COPB2: variants seen among roughly 807,000 people sequenced by gnomAD.
COPB2 encodes the protein coatomer subunit beta'.
COPB2 carries 16 observed loss-of-function variants against 120.8 expected under a neutral mutation model. The observed-to-expected ratio is 0.13, with a 90% CI of 0.09 to 0.20. The LOEUF (loss-of-function observed/expected upper bound fraction) is 0.20. Among genes scored for constraint, COPB2 ranks in the 10% least tolerant of loss-of-function variants. COPB2 has a pLI of 1.00. For missense variants in COPB2, 794 were observed against 1,076.5 expected (o/e 0.74, Z 3.67); for synonymous variants, 332 against 366.3 (o/e 0.91, Z 1.07).
chr3:139,372,136 A>T (rs993213821), intron 9 of COPB2, among the ~76,000 whole-genome samples: 10 of 152,238 alleles, frequency 6.6e-5, no homozygotes, highest in Middle Eastern at 3.2e-3. Flanking sequence ...GGAAATGCAA[A>T]GGAGGAGGAT....
chr3:139,382,718 T>C (rs1380918710), intron 2 of COPB2: 1 of 157,526 alleles, frequency 6.3e-6, no homozygotes, highest in East Asian at 1.9e-4. Context: ...ATATGCTTTG[T>C]ACTCTTAAAT....
intron 15 of COPB2, among the ~76,000 whole-genome samples, chr3:139,364,744 C>G (rs910452614): frequency 2.0e-5 from 3 of 152,312 alleles, no homozygotes; most frequent in African/African-American, 7.2e-5. Context: ...ATGGGCCAAC[C>G]ACACCAGATA....
At chr3:139,381,549 A>T (rs1941812099) in intron 2 of COPB2, 1 of 152,222 alleles carries the variant, frequency 6.6e-6, no homozygotes, top group Non-Finnish European at 1.5e-5. Context: ...CCTTGTCCTC[A>T]CAGAACCTCC....
chr3:139,373,616 A>T, intron 8 of COPB2, 50 bp downstream of exon 8: 1 of 1,610,052 alleles, frequency 6.2e-7, no homozygotes. Flanking sequence ...TAAAATACAA[A>T]GAAAATGGTT....
chr3:139,389,628 G>A lies in COPB2; in HGVS notation c.-78C>T, dbSNP rs972932793. 1.7e-5 allele frequency: 24 copies of A among 1,403,788 alleles called. No individual in the cohort carries two copies. In the African/African-American group the frequency reaches 3.2e-4, roughly 19 times the overall value. 87.0% of individuals were successfully genotyped at this position (1,403,788 alleles called of 1,614,324 possible). A position where few individuals can be genotyped will look rare whatever the true frequency, so the allele number is the denominator to read the frequency against. On this transcript the variant is annotated 5_prime_UTR_variant, in exon 1 of 22. Transcript: ENST00000333188. Reference sequence around the variant, plus strand: ...CTTGAGATAAACCCACCGATCCACTGACCGTCAGACTGACTGACGTGGAAC... The same window carrying A: ...CTTGAGATAAACCCACCGATCCACTAACCGTCAGACTGACTGACGTGGAAC...
chr3:139,387,357 G>C (rs1217835003), intron 1 of COPB2, among the ~76,000 whole-genome samples: 1 of 152,198 alleles, frequency 6.6e-6, no homozygotes, highest in Non-Finnish European at 1.5e-5. Context: ...TTTTGAATAA[G>C]ACAATGTACT....
At chr3:139,362,556 CAAAA>C in intron 15 of COPB2, 39 bp from the exon 16 acceptor site, 2 of 1,325,572 alleles carry the variant, frequency 1.5e-6, no homozygotes, top group Non-Finnish European at 2.1e-6. Context: ...TTTATGCATA[CAAAA>C]ATGTATGTAT....
intron 15 of COPB2, 106 bp downstream of exon 15, chr3:139,366,462 C>G: frequency 9.9e-7 from 1 of 1,009,636 alleles, no homozygotes; most frequent in Non-Finnish European, 1.4e-6. Context: ...TCTATTGCCA[C>G]AGGAAATCAG....
At chr3:139,386,345 C>T (rs1408638658) in intron 1 of COPB2, among the ~76,000 whole-genome samples, 10 of 152,182 alleles carry the variant, frequency 6.6e-5, no homozygotes, top group Admixed American at 5.2e-4. Flanking sequence ...CAACCTCCAC[C>T]TCCCAGGTTC....
chr3:139,372,561 C>G (rs1941639852), intron 9 of COPB2, among the ~76,000 whole-genome samples: 1 of 152,108 alleles, frequency 6.6e-6, no homozygotes, highest in South Asian at 2.1e-4. Context: ...ATTATGGATA[C>G]CATTTACTGA....
intron 13 of COPB2, among the ~76,000 whole-genome samples, chr3:139,367,361 A>G (rs1560015029): frequency 6.7e-6 from 1 of 150,098 alleles, no homozygotes; most frequent in African/African-American, 2.5e-5. Context: ...ACCTCTGCTC[A>G]CTGCCAACTT....
rs1017527586 is a variant in COPB2 at position 139,373,787 on chromosome 3, G to A, written c.773C>T (p.Ser258Leu). The A allele has an allele frequency of 6.2e-7, 1 of 1,614,090 alleles. No homozygotes were observed. The highest frequency in any genetic ancestry group is 8.5e-7 in the Non-Finnish European group (1 of 1,179,994). ...TGTGCTCTCAAGCCGGTAGGTGCTT[G>A]AATGCCAAATACGTACTGTTCCTAA... Reference protein sequence around the residue: ...SEDGTVRIWHSSTYRLESTLN... With the variant: ...SEDGTVRIWHLSTYRLESTLN... Residue 258 changes from serine (S) to leucine (L), a missense_variant, in exon 8 of 22, where the codon TCA (serine) becomes TTA (leucine). By Grantham distance (145) the Ser-to-Leu change is moderately radical. Around this residue, in one of 3 missense-constraint regions of COPB2, gnomAD observed 610 missense variants for 866.7 expected, o/e 0.70. Transcript: ENST00000333188.
chr3:139,378,569 T>C (rs1160955709), intron 4 of COPB2, among the ~76,000 whole-genome samples: 4 of 152,258 alleles, frequency 2.6e-5, no homozygotes, highest in East Asian at 3.8e-4. Context: ...GATTGGTTTT[T>C]AAAAAGTTTT....
chr3:139,389,390 TC>T, intron 1 of COPB2, 157 bp downstream of exon 1: 1 of 1,153,156 alleles, frequency 8.7e-7, no homozygotes, highest in Non-Finnish European at 1.1e-6. Context: ...CACCGCCTTC[TC>T]CCTTCCTGGA....
At chr3:139,368,365 TACA>T in intron 12 of COPB2, 77 bp from the exon 13 acceptor site, 4 of 1,400,354 alleles carry the variant, frequency 2.9e-6, no homozygotes, top group Non-Finnish European at 3.9e-6. Flanking sequence ...CTTGGTTTCT[TACA>T]ACATTTACCT....
rs1040480088 is a variant in COPB2, at chr3:139,377,661, T to G, written c.504+380A>C. On this transcript the variant is annotated intron_variant, in intron 5 of 21. Coordinates refer to ENST00000333188, the MANE Select transcript of COPB2 (RefSeq NM_004766.3). ...GTAAAATGGAGTAAGAAAGAGAGAA[T>G]AGAGGCATATGGAATTTAAATGTAA... 4.6e-5 allele frequency among the ~76,000 whole-genome samples: 7 copies of G among 152,256 alleles called. 1 individual carries two copies. The highest frequency in any genetic ancestry group is 4.6e-4 in the Admixed American group (7 of 15,290).
chr3:139,384,610 C>G (rs1941879273), intron 1 of COPB2, among the ~76,000 whole-genome samples: 1 of 152,192 alleles, frequency 6.6e-6, no homozygotes, highest in Non-Finnish European at 1.5e-5. Flanking sequence ...GAGACAACTA[C>G]GATACTTCGG....
At chr3:139,367,432 C>T (rs1465996139) in intron 13 of COPB2, among the ~76,000 whole-genome samples, 8 of 151,802 alleles carry the variant, frequency 5.3e-5, no homozygotes, top group Non-Finnish European at 8.8e-5. Flanking sequence ...GGATTACAGG[C>T]GCCCGCCACC....
chr3:139,367,716 T>C (rs1442755803), intron 13 of COPB2, among the ~76,000 whole-genome samples: 1 of 152,204 alleles, frequency 6.6e-6, no homozygotes, highest in Non-Finnish European at 1.5e-5. Context: ...AATCTCATTG[T>C]TGGGTCAAAA....
Sources: allele counts gnomAD v4.1 joint callset (sites outside exome capture counted in the v4.1 genomes callset), GRCh38; gene constraint gnomAD v4.1.1; regional missense constraint gnomAD v4.1.1; transcripts MANE v1.5; gene names NCBI Gene and HGNC (gene_info 2026-07-23, HGNC 2026-07-21).